Variants in ENTPD5 observed in about 807,000 individuals in gnomAD.
The protein encoded by ENTPD5 is ectonucleoside triphosphate diphosphohydrolase 5 (inactive), also known as nucleoside diphosphate phosphatase ENTPD5.
ENTPD5 carries 49 observed loss-of-function variants against 60.2 expected under a neutral mutation model. The ratio of observed to expected loss-of-function variants is 0.81; its 90% confidence interval spans 0.65 to 1.03. ENTPD5 has a LOEUF of 1.03. Among genes scored for constraint, ENTPD5 ranks in the 50% least tolerant of loss-of-function variants. The probability of loss-of-function intolerance (pLI) is 0.00; values close to 1 mark genes in which losing one functional copy is unlikely to be tolerated. For missense variants in ENTPD5, 480 were observed against 507.6 expected, an observed-to-expected ratio of 0.95 and a Z score of 0.52; for synonymous variants, 187 against 185.4, an observed-to-expected ratio of 1.01 and a Z score of -0.07.
intron 6 of ENTPD5, among the ~76,000 whole-genome samples, chr14:73,980,558 C>T (rs533146525): frequency 1.3e-5 from 2 of 152,208 alleles, no homozygotes; most frequent in Admixed American, 6.5e-5. Flanking sequence ...GCTACCACAC[C>T]GGGACTTAAT....
intron 3 of ENTPD5, among the ~76,000 whole-genome samples, chr14:74,002,313 T>A (rs1361337852): frequency 6.6e-6 from 1 of 152,030 alleles, no homozygotes; most frequent in African/African-American, 2.4e-5. Context: ...AAGACAGATA[T>A]GGGAGTGGGG....
chr14:74,008,644 C>T (rs2058752642), intron 3 of ENTPD5, among the ~76,000 whole-genome samples: 1 of 152,130 alleles, frequency 6.6e-6, no homozygotes, highest in Admixed American at 6.5e-5. Context: ...ATCCACCCGC[C>T]TCGGCCTCCC....
chr14:73,991,550 T>C (rs953448924), intron 3 of ENTPD5, among the ~76,000 whole-genome samples: 5 of 142,702 alleles, frequency 3.5e-5, no homozygotes, highest in Admixed American at 2.3e-4. Flanking sequence ...ATCGCACCAC[T>C]GTGCTCCAGC....
At chr14:73,967,604 C>G (rs1371286947) in intron 15 of ENTPD5, among the ~76,000 whole-genome samples, 1 of 151,478 alleles carries the variant, frequency 6.6e-6, no homozygotes, top group Non-Finnish European at 1.5e-5. Context: ...GCCAGGAGTT[C>G]AAGACCAGCC....
chr14:73,962,972 A>G, downstream of ENTPD5: 1 of 1,608,242 alleles, frequency 6.2e-7, no homozygotes, highest in Non-Finnish European at 8.5e-7. Flanking sequence ...TTCTCCAGGA[A>G]CAGATTATGG....
intron 10 of ENTPD5, among the ~76,000 whole-genome samples, chr14:73,975,517 G>A (rs2057403561): frequency 6.7e-6 from 1 of 150,054 alleles, no homozygotes; most frequent in African/African-American, 2.5e-5. Context: ...TGATTCTCCT[G>A]CCTCAGCCTC....
chr14:73,985,444 T>C (rs1476024965), intron 5 of ENTPD5, among the ~76,000 whole-genome samples: 1 of 152,210 alleles, frequency 6.6e-6, no homozygotes, highest in African/African-American at 2.4e-5. Flanking sequence ...CTAACTGGTG[T>C]GAGATGGTGT....
In ENTPD5 at chr14:73,976,343, G is replaced by A. The variant is rs140111715; in HGVS notation, c.623C>T (p.Thr208Met). Residue 208 changes from threonine to methionine, a missense_variant, in exon 9 of 16, where the codon ACG becomes ATG. Coordinates refer to ENST00000334696, the MANE Select transcript of ENTPD5 (RefSeq NM_001249.5). ...ACTCACCTCAAACTGGGGCAGGAACGTGATTTGGGTGGAGGCTCCCCCTAG... is the reference window on the plus strand; with the variant it reads ...ACTCACCTCAAACTGGGGCAGGAACATGATTTGGGTGGAGGCTCCCCCTAG... ...LDLGGASTQITFLPQFEKTLE... is the reference protein window; with the variant it reads ...LDLGGASTQIMFLPQFEKTLE... 8.7e-5 allele frequency: 140 copies of A among 1,613,934 alleles called. No individual in the cohort carries two copies. Among genetic ancestry groups the A allele is most frequent in the Non-Finnish European group, 1.1e-4 (133 of 1,179,940 alleles).
chr14:73,960,547 T>G, downstream of ENTPD5: 3 of 1,005,492 alleles, frequency 3.0e-6, no homozygotes, highest in Non-Finnish European at 3.6e-6. Context: ...TCTGGGCCAT[T>G]TAGTATATAT....
intron 6 of ENTPD5, among the ~76,000 whole-genome samples, chr14:73,978,290 T>C (rs933187672): frequency 2.0e-5 from 3 of 148,440 alleles, no homozygotes; most frequent in South Asian, 2.1e-4. Context: ...CGTCAAATCA[T>C]GTGTTTCCTT....
At chr14:73,970,713 C>G (rs975284809) in intron 14 of ENTPD5, among the ~76,000 whole-genome samples, 1 of 152,046 alleles carries the variant, frequency 6.6e-6, no homozygotes, top group African/African-American at 2.4e-5. Flanking sequence ...GTTCTAAATC[C>G]CTTATCTATT....
intron 2 of ENTPD5, among the ~76,000 whole-genome samples, chr14:74,012,127 T>A (rs2058863449): frequency 1.3e-5 from 2 of 152,138 alleles, no homozygotes; most frequent in African/African-American, 4.8e-5. Context: ...TTTTTTGAGA[T>A]GGAGTCTCAC....
downstream of ENTPD5, chr14:73,960,600 A>G (rs908667530): frequency 5.8e-6 from 6 of 1,041,174 alleles, no homozygotes; most frequent in African/African-American, 8.4e-5. Context: ...GTCATTCACC[A>G]TTAATTGTCC....
At chr14:73,987,617 G>T (rs2057956209) in intron 4 of ENTPD5, among the ~76,000 whole-genome samples, 1 of 151,966 alleles carries the variant, frequency 6.6e-6, no homozygotes, top group Admixed American at 6.6e-5. Flanking sequence ...AGGTTGCAGT[G>T]ATGTGTCATC....
intron 5 of ENTPD5, among the ~76,000 whole-genome samples, chr14:73,984,367 A>G (rs1297960328): frequency 2.0e-5 from 3 of 152,212 alleles, no homozygotes; most frequent in East Asian, 1.9e-4. Flanking sequence ...TACCACCACT[A>G]AACTGTTGTG....
intron 8 of ENTPD5, 33 bp downstream of exon 8, chr14:73,976,991 T>C: frequency 6.4e-7 from 1 of 1,574,656 alleles, no homozygotes; most frequent in Admixed American, 1.7e-5. Flanking sequence ...AAAAGCTAGT[T>C]AAGCTCTAAA....
In ENTPD5 at chr14:74,010,567, T is replaced by A. The variant is rs924833000; in HGVS notation, c.-71+524A>T. Among the ~76,000 whole-genome samples, 9 of 150,492 alleles carry A rather than the reference T, an allele frequency of 6.0e-5. No homozygotes were observed. In the South Asian group the frequency reaches 8.4e-4, roughly 14 times the overall value. Reference sequence around the variant, plus strand: ...GAAACTCTATCTCAAAAAAAAAAAATAAAAAGTGTTTCCATTGTGAATTAT... The same window carrying A: ...GAAACTCTATCTCAAAAAAAAAAAAAAAAAAGTGTTTCCATTGTGAATTAT... On this transcript the variant is annotated intron_variant, in intron 3 of 15. Transcript: ENST00000334696.
intron 3 of ENTPD5, among the ~76,000 whole-genome samples, chr14:74,003,031 T>C (rs1325772398): frequency 6.6e-6 from 1 of 152,206 alleles, no homozygotes; most frequent in Non-Finnish European, 1.5e-5. Flanking sequence ...ACTTGATGAA[T>C]TCCTGCAACT....
chr14:73,971,652 C>A (rs2057231442), intron 14 of ENTPD5, among the ~76,000 whole-genome samples, 200 bp downstream of exon 14: 1 of 152,194 alleles, frequency 6.6e-6, no homozygotes, highest in African/African-American at 2.4e-5. Flanking sequence ...CCCTGAGTAG[C>A]TGGGACTACA....
Sources: allele counts gnomAD v4.1 joint callset (sites outside exome capture counted in the v4.1 genomes callset), GRCh38; gene constraint gnomAD v4.1.1; transcripts MANE v1.5; gene names NCBI Gene and HGNC (gene_info 2026-07-23, HGNC 2026-07-21).